SP7: variants seen among roughly 807,000 people sequenced by gnomAD.
SP7 encodes the protein Sp7 transcription factor.
A neutral mutation model predicts 27.9 loss-of-function variants in SP7; 13 were observed. The ratio of observed to expected loss-of-function variants is 0.47; its 90% CI spans 0.30 to 0.74. The LOEUF is 0.74. Among genes scored for constraint, SP7 ranks in the 30% least tolerant of loss-of-function variants. The pLI, the probability that SP7 is intolerant of heterozygous loss-of-function variation, is 0.06. For missense variants in SP7, 525 were observed against 558.0 expected, an observed-to-expected ratio of 0.94 and a Z score of 0.60; for synonymous variants, 219 against 226.7, an observed-to-expected ratio of 0.97 and a Z score of 0.31.
chr12:53,337,677 GA>G (rs796772677), upstream of SP7, among the ~76,000 whole-genome samples: 81 of 152,258 alleles, frequency 5.3e-4, no homozygotes, highest in African/African-American at 1.9e-3. Context: ...GAGGTGGCAG[GA>G]GCAGATGGAG....
At chr12:53,341,750 C>A (rs780258806) in intron 1 of SP7, among the ~76,000 whole-genome samples, 1 of 151,974 alleles carries the variant, frequency 6.6e-6, no homozygotes, top group Non-Finnish European at 1.5e-5. Flanking sequence ...TTGAGACTAG[C>A]GTGGCCAACA....
At chr12:53,339,182 C>T (rs541532444), upstream of SP7, among the ~76,000 whole-genome samples, 2 of 152,286 alleles carry the variant, frequency 1.3e-5, no homozygotes, top group Admixed American at 1.3e-4. Flanking sequence ...TCAGCCTCCG[C>T]CCATGGCCAC....
At chr12:53,331,585 T>C (rs1319980091) in intron 2 of SP7, among the ~76,000 whole-genome samples, 2 of 152,036 alleles carry the variant, frequency 1.3e-5, no homozygotes, top group African/African-American at 4.8e-5. Context: ...TGGTTCCTGA[T>C]GGTGCCTCTC....
Position 53,328,289 on chromosome 12 carries a change from G to A in SP7, c.1153C>T (p.Pro385Ser). 6.2e-7 allele frequency: 1 copy of A among 1,611,176 alleles called. No individual in the cohort carries two copies. The highest frequency in any genetic ancestry group is 1.3e-5 in the African/African-American group (1 of 75,008). ...TCCCCCAGCTCCTTGGGGCCACTGG[G>A]AGGGGGACCCGGGCCTGGTTCTCCA... Reference protein sequence around the residue: ...THGEPGPGPPPSGPKELGEGR... With the variant: ...THGEPGPGPPSSGPKELGEGR... The change falls in exon 3 of 3, where the codon CCC becomes TCC. Residue 385 changes from proline (P) to serine (S), a missense_variant. Transcript: ENST00000536324. The surrounding 1 kb of genome is among the most constrained non-coding windows in gnomAD (Gnocchi z 5.1).
At chr12:53,342,481 C>A (rs1257240293) in intron 1 of SP7, among the ~76,000 whole-genome samples, 1 of 152,120 alleles carries the variant, frequency 6.6e-6, no homozygotes, top group Admixed American at 6.6e-5. Context: ...CACAAACTAA[C>A]CAGCAACTAA....
chr12:53,333,953 G>C (rs1565792512), intron 2 of SP7, among the ~76,000 whole-genome samples: 1 of 152,196 alleles, frequency 6.6e-6, no homozygotes, highest in Non-Finnish European at 1.5e-5. Context: ...CCAATCCCAT[G>C]TCTTTCCAGC....
intron 2 of SP7, among the ~76,000 whole-genome samples, chr12:53,334,374 A>ACT (rs1555193376): frequency 1.3e-4 from 18 of 139,984 alleles, no homozygotes; most frequent in African/African-American, 3.6e-4. Context: ...ACACACACAC[A>ACT]CTCTCAGGGC....
chr12:53,333,458 C>A (rs1406513262), intron 2 of SP7, among the ~76,000 whole-genome samples: 3 of 152,090 alleles, frequency 2.0e-5, no homozygotes, highest in Non-Finnish European at 4.4e-5. Flanking sequence ...GGAGGGGGAT[C>A]CCCTCCTCCC....
chr12:53,336,719 T>C (rs138508421), upstream of SP7, among the ~76,000 whole-genome samples: 3 of 152,150 alleles, frequency 2.0e-5, no homozygotes, highest in South Asian at 4.2e-4. Flanking sequence ...GAGCAGTGTG[T>C]ATGTGCCCCT....
rs1592529395 is a variant in SP7, at chr12:53,327,598, C to G, written c.*548G>C. 1 of 154,332 alleles carries G rather than the reference C, an allele frequency of 6.5e-6. No homozygotes were observed. Among genetic ancestry groups the G allele is most frequent in the Non-Finnish European group, 1.4e-5 (1 of 69,184 alleles). The allele number at this position is 154,332 out of a possible 1,614,324, so 9.6% of individuals were successfully genotyped here. A position where few individuals can be genotyped will look rare whatever the true frequency, so the allele number is the denominator to read the frequency against. On this transcript the variant is annotated 3_prime_UTR_variant, in exon 3 of 3. Coordinates refer to ENST00000536324, the MANE Select transcript of SP7 (RefSeq NM_001173467.3). ...GATCAGATCCCCACTGGTCTGCCCC[C>G]CTCTTGGCACCCTCTGGCCAGGTCA...
Position 53,328,206 on chromosome 12 carries a change from T to C in SP7, c.1236A>G (p.Pro412=), listed in dbSNP as rs746673571. 1.9e-6 allele frequency: 3 copies of C among 1,613,238 alleles called. No homozygotes were observed. The highest frequency in any genetic ancestry group is 2.2e-5 in the East Asian group (1 of 44,876). ...ASQTPRPSAS[P]ATPEKAPGGS... ...CTCCAGGGGCTTTCTCTGGGGTTGC[T>C]GGCGAGGCAGAAGGTCGGGGCGTCT... Residue 412 remains proline (P), a synonymous_variant, in exon 3 of 3, where the codon CCA becomes CCG. Coordinates refer to ENST00000536324, the MANE Select transcript of SP7 (RefSeq NM_001173467.3). The surrounding 1 kb of genome is among the most constrained non-coding windows in gnomAD (Gnocchi z 5.1).
At chr12:53,335,489 T>G in intron 2 of SP7, 137 bp downstream of exon 2, 1 of 715,122 alleles carries the variant, frequency 1.4e-6, no homozygotes. Context: ...ACCCCACTCC[T>G]CTCTCCTCAT....
chr12:53,331,470 C>CAAAAAA (rs367626786), intron 2 of SP7, among the ~76,000 whole-genome samples: 4 of 105,316 alleles, frequency 3.8e-5, no homozygotes, highest in East Asian at 2.8e-4. Context: ...GACTCCATCT[C>CAAAAAA]AAAAAAAAAA....
Position 53,328,962 on chromosome 12 carries a change from A to T in SP7, c.480T>A (p.Asp160Glu). The change falls in exon 3 of 3, where the codon GAT (aspartate) becomes GAA (glutamate). Residue 160 changes from aspartate (D) to glutamate (E), a missense_variant. Transcript: ENST00000536324. The surrounding 1 kb of genome is among the most constrained non-coding windows in gnomAD (Gnocchi z 5.1). ...GPGNTPTPWW[D>E]MHPGGNWLGG... ...CTAGCCAGTTGCCTCCAGGGTGCAT[A>T]TCCCACCATGGAGTAGGAGTGTTGC... 1 of 1,612,158 alleles carries T rather than the reference A, an allele frequency of 6.2e-7. No individual in the cohort carries two copies. Among genetic ancestry groups the T allele is most frequent in the Non-Finnish European group, 8.5e-7 (1 of 1,179,044 alleles).
rs140067214 is a variant in SP7 at position 53,331,736 on chromosome 12, A to G, written c.22-2316T>C. Among the ~76,000 whole-genome samples the G allele has an allele frequency of 5.0e-3, 764 of 152,338 alleles. 7 individuals carry two copies. Among genetic ancestry groups the G allele is most frequent in the African/African-American group, 0.018 (744 of 41,568 alleles). On this transcript the variant is annotated intron_variant, in intron 2 of 2. Coordinates refer to ENST00000536324, the MANE Select transcript of SP7 (RefSeq NM_001173467.3). ...GTTATATGGGTATGAAAGGGCTAGA[A>G]GAACAGTTTTGAGGATTGGGTTCTT...
At chr12:53,335,746 T>C (rs537640447) in intron 1 of SP7, 53 bp from the exon 2 acceptor site, 1 of 1,142,612 alleles carries the variant, frequency 8.8e-7, no homozygotes, top group African/African-American at 1.9e-5. Flanking sequence ...GGAGGGAGAA[T>C]GGGAGAATGG....
chr12:53,329,968 A>G (rs898646152), intron 2 of SP7, among the ~76,000 whole-genome samples: 2 of 152,034 alleles, frequency 1.3e-5, no homozygotes, highest in Non-Finnish European at 2.9e-5. Context: ...TCCTGACCTC[A>G]GGTGATCCGC....
upstream of SP7, among the ~76,000 whole-genome samples, chr12:53,337,331 G>A (rs1944781822): frequency 6.6e-6 from 1 of 152,132 alleles, no homozygotes; most frequent in African/African-American, 2.4e-5. Context: ...CAACAAAATA[G>A]GAAGTAAGAG....
chr12:53,343,018 C>T (rs192499125), intron 1 of SP7, among the ~76,000 whole-genome samples: 1 of 150,464 alleles, frequency 6.6e-6, no homozygotes, highest in East Asian at 2.0e-4. Context: ...AGAGTGGTGC[C>T]AGTGCAGTGG....
Sources: gnomAD v4.1 joint callset for allele counts (sites outside exome capture counted in the v4.1 genomes callset) on GRCh38, gnomAD v4.1.1 for gene constraint, Gnocchi (gnomAD v3.1) non-coding constraint, MANE v1.5 for transcripts, NCBI Gene and HGNC (gene_info 2026-07-23, HGNC 2026-07-21) for gene names.